CADM2: variants seen among roughly 807,000 people sequenced by gnomAD.
CADM2 encodes the protein immunoglobulin superfamily member 4D.
In CADM2, 12 loss-of-function variants were observed where a neutral mutation model predicts 49.8. The observed-to-expected ratio is 0.24, with a 90% CI of 0.15 to 0.39. The LOEUF (loss-of-function observed/expected upper bound fraction) is 0.39, where lower values mean the gene tolerates loss of function less well. Ranked by LOEUF, CADM2 falls within the 10% of genes least tolerant of loss-of-function variation. The pLI, the probability that CADM2 is intolerant of heterozygous loss-of-function variation, is 1.00. For missense variants in CADM2, 378 were observed against 492.3 expected, an observed-to-expected ratio of 0.77 and a Z score of 2.20; for synonymous variants, 214 against 175.4, an observed-to-expected ratio of 1.22 and a Z score of -1.74.
chr3:86,008,779 C>T lies in CADM2; in HGVS notation c.970+47132C>T, dbSNP rs565242115. ...TTTATAATTTCATTAATAAGGTTATCTTCTCTCAAATTATTGAGAAATATG... is the reference window on the plus strand; with the variant it reads ...TTTATAATTTCATTAATAAGGTTATTTTCTCTCAAATTATTGAGAAATATG... On this transcript the variant is annotated intron_variant, in intron 8 of 9. Coordinates refer to ENST00000383699, the MANE Select transcript of CADM2 (RefSeq NM_001167675.2). Among the ~76,000 whole-genome samples the T allele has an allele frequency of 9.2e-5, 14 of 151,976 alleles. No individual in the cohort carries two copies. The East Asian group carries it at 2.7e-3, about 29-fold the overall frequency.
chr3:85,561,499 C>T (rs17519241), intron 1 of CADM2, among the ~76,000 whole-genome samples: 77,964 of 151,998 alleles, frequency 0.51, 23,072 homozygotes, highest in East Asian at 0.85. Flanking sequence ...AGAGACTCCC[C>T]GCTTTTTAAC....
intron 1 of CADM2, among the ~76,000 whole-genome samples, chr3:84,998,578 G>T (rs2033294656): frequency 6.6e-6 from 1 of 152,146 alleles, no homozygotes; most frequent in South Asian, 2.1e-4. Flanking sequence ...AATTGAGCAA[G>T]AGTAGATTTG....
intron 3 of CADM2, among the ~76,000 whole-genome samples, chr3:85,862,189 A>G (rs912660438): frequency 1.3e-5 from 2 of 152,126 alleles, no homozygotes; most frequent in African/African-American, 4.8e-5. Flanking sequence ...ATTCACTTTC[A>G]CCATTTTACT....
At chr3:85,347,870 C>G (rs561585358) in intron 1 of CADM2, among the ~76,000 whole-genome samples, 3 of 150,886 alleles carry the variant, frequency 2.0e-5, no homozygotes, top group Non-Finnish European at 2.9e-5. Flanking sequence ...TGCAGTGGCA[C>G]GATCTCCGCT....
chr3:85,951,533 A>G (rs906109992), intron 7 of CADM2, among the ~76,000 whole-genome samples: 1 of 151,026 alleles, frequency 6.6e-6, no homozygotes, highest in Non-Finnish European at 1.5e-5. Context: ...TTTTTCAAAC[A>G]TGTCTATTTT....
intron 1 of CADM2, among the ~76,000 whole-genome samples, chr3:85,689,505 A>T (rs193077688): frequency 2.6e-4 from 39 of 152,348 alleles, no homozygotes; most frequent in Non-Finnish European, 5.1e-4. Context: ...CAGAGGACAG[A>T]TAAGAAACTG....
At chr3:85,376,670 C>A (rs762737548) in intron 1 of CADM2, among the ~76,000 whole-genome samples, 1 of 151,908 alleles carries the variant, frequency 6.6e-6, no homozygotes, top group Admixed American at 6.6e-5. Flanking sequence ...TTCACTAATG[C>A]GACATCCTGA....
intron 1 of CADM2, among the ~76,000 whole-genome samples, chr3:85,046,845 A>G (rs1220427405): frequency 6.6e-6 from 1 of 152,006 alleles, no homozygotes; most frequent in East Asian, 1.9e-4. Flanking sequence ...CTGTTGTTAC[A>G]TTAGCATAAA....
intron 1 of CADM2, among the ~76,000 whole-genome samples, chr3:85,130,336 A>T (rs1302884759): frequency 6.6e-6 from 1 of 152,220 alleles, no homozygotes; most frequent in Non-Finnish European, 1.5e-5. Context: ...TATTTTATCC[A>T]TAGTTTTCCT....
At chr3:85,229,246 C>T (rs1011626097) in intron 1 of CADM2, among the ~76,000 whole-genome samples, 1 of 152,142 alleles carries the variant, frequency 6.6e-6, no homozygotes, top group Non-Finnish European at 1.5e-5. Flanking sequence ...TTGCTAGGCT[C>T]GGTGGCCATG....
chr3:85,384,031 T>G (rs950204502), intron 1 of CADM2, among the ~76,000 whole-genome samples: 4 of 152,216 alleles, frequency 2.6e-5, no homozygotes, highest in Admixed American at 2.0e-4. Context: ...TTAAATAATT[T>G]GCAAATATTC....
intron 1 of CADM2, among the ~76,000 whole-genome samples, chr3:85,594,485 A>C (rs2107358011): frequency 6.6e-6 from 1 of 152,068 alleles, no homozygotes; most frequent in South Asian, 2.1e-4. Context: ...TCCCTAAAGT[A>C]ACTGGCAGAG....
intron 1 of CADM2, among the ~76,000 whole-genome samples, chr3:85,095,909 C>T (rs1185276612): frequency 2.6e-5 from 4 of 152,008 alleles, no homozygotes; most frequent in Non-Finnish European, 5.9e-5. Context: ...CTCAGCCTTA[C>T]TTACTCTGCT....
intron 3 of CADM2, among the ~76,000 whole-genome samples, chr3:85,838,296 C>T (rs1197941621): frequency 6.6e-6 from 1 of 151,596 alleles, no homozygotes; most frequent in Non-Finnish European, 1.5e-5. Flanking sequence ...AAACTGTGGG[C>T]TCAAGAAAAA....
intron 1 of CADM2, among the ~76,000 whole-genome samples, chr3:84,998,983 G>A (rs915965539): frequency 2.6e-5 from 4 of 152,140 alleles, no homozygotes; most frequent in Admixed American, 6.6e-5. Flanking sequence ...AAAGGGGAAA[G>A]ATTTTTCATC....
At chr3:85,311,301 T>C (rs1159711401) in intron 1 of CADM2, among the ~76,000 whole-genome samples, 1 of 151,920 alleles carries the variant, frequency 6.6e-6, no homozygotes, top group South Asian at 2.1e-4. Flanking sequence ...ACTGAAATAA[T>C]AAACATGCAT....
Position 85,073,505 on chromosome 3 carries a change from C to G in CADM2, c.61+113837C>G, listed in dbSNP as rs1300605877. ...AGATAAAACCAAAACATAACTCTTA[C>G]TGTTCTTTCACTGGAAACCCTCTAA... On this transcript the variant is annotated intron_variant, in intron 1 of 9. Coordinates refer to ENST00000383699, the MANE Select transcript of CADM2 (RefSeq NM_001167675.2). Among the ~76,000 whole-genome samples the G allele has an allele frequency of 2.6e-5, 4 of 152,222 alleles. No homozygotes were observed. In the East Asian group the frequency reaches 7.7e-4, roughly 29 times the overall value.
At chr3:85,522,267 A>G (rs1319904203) in intron 1 of CADM2, among the ~76,000 whole-genome samples, 1 of 152,158 alleles carries the variant, frequency 6.6e-6, no homozygotes, top group Non-Finnish European at 1.5e-5. Context: ...ATTAATGATT[A>G]ACAATACTTT....
chr3:85,894,321 G>A (rs916493563), intron 5 of CADM2, among the ~76,000 whole-genome samples: 1 of 152,060 alleles, frequency 6.6e-6, no homozygotes, highest in African/African-American at 2.4e-5. Flanking sequence ...CACAGGAAGG[G>A]GAACATCCAC....
Sources: gnomAD v4.1 joint callset for allele counts (sites outside exome capture counted in the v4.1 genomes callset) on GRCh38, gnomAD v4.1.1 for gene constraint, MANE v1.5 for transcripts, NCBI Gene and HGNC (gene_info 2026-07-23, HGNC 2026-07-21) for gene names.